S100Z: variants seen among roughly 807,000 people sequenced by gnomAD.
S100Z encodes protein S100-Z.
Under a neutral mutation model 8.5 loss-of-function variants are expected in S100Z, and 11 were observed. That is an observed-to-expected ratio of 1.30 (90% CI 0.82 to 2.15). The LOEUF is 2.15. S100Z is among the 30% of genes most tolerant of loss of function. The pLI, the probability that S100Z is intolerant of heterozygous loss-of-function variation, is 0.00. For missense variants in S100Z, 126 were observed against 117.9 expected (o/e 1.07, Z -0.32); for synonymous variants, 34 against 43.8 (o/e 0.78, Z 0.89).
At chr5:76,902,790 A>G (rs539234234) in intron 4 of S100Z, among the ~76,000 whole-genome samples, 1 of 152,312 alleles carries the variant, frequency 6.6e-6, no homozygotes, top group South Asian at 2.1e-4. Context: ...ACATTAGGAC[A>G]GACTTACTAT....
chr5:76,862,822 C>A (rs1751101825), intron 1 of S100Z, among the ~76,000 whole-genome samples: 1 of 151,818 alleles, frequency 6.6e-6, no homozygotes, highest in Non-Finnish European at 1.5e-5. Flanking sequence ...ACAACAACAA[C>A]AAAAACCCTG....
intron 4 of S100Z, among the ~76,000 whole-genome samples, chr5:76,885,668 C>A: frequency 6.9e-6 from 1 of 144,736 alleles, no homozygotes; most frequent in Non-Finnish European, 1.5e-5. Context: ...AGGTGCTTGC[C>A]CCCCAGGAAA....
intron 1 of S100Z, among the ~76,000 whole-genome samples, chr5:76,861,762 A>T (rs1267972957): frequency 6.6e-6 from 1 of 152,220 alleles, no homozygotes. Flanking sequence ...ATCAAGATTC[A>T]TCTACTTCAT....
chr5:76,878,954 T>C (rs1027806891), intron 4 of S100Z, among the ~76,000 whole-genome samples: 2 of 152,216 alleles, frequency 1.3e-5, no homozygotes, highest in African/African-American at 4.8e-5. Context: ...ATCTGATATC[T>C]GTTCTTCCTT....
chr5:76,874,227 GTTAGT>G (rs1743103653), intron 2 of S100Z, among the ~76,000 whole-genome samples: 3 of 150,680 alleles, frequency 2.0e-5, no homozygotes, highest in African/African-American at 4.9e-5. Context: ...TGTCCTTTGG[GTTAGT>G]TTAATCTACT....
At chr5:76,943,657 C>T in the S100Z span, among the ~76,000 whole-genome samples, 1 of 152,118 alleles carries the variant, frequency 6.6e-6, no homozygotes, top group East Asian at 1.9e-4. Flanking sequence ...GCACATTGCC[C>T]ACACCTTTGT....
intron 1 of S100Z, among the ~76,000 whole-genome samples, chr5:76,861,193 G>T (rs1249518894): frequency 6.6e-6 from 1 of 152,140 alleles, no homozygotes; most frequent in South Asian, 2.1e-4. Context: ...GGTTCATTGC[G>T]TGCCTGGTCA....
intron 4 of S100Z, among the ~76,000 whole-genome samples, chr5:76,894,662 C>T (rs192280303): frequency 6.8e-6 from 1 of 146,574 alleles, no homozygotes; most frequent in East Asian, 2.0e-4. Flanking sequence ...ATGACATGAT[C>T]TCGGCTTACA....
At chr5:76,859,301 G>A (rs191518475) in intron 1 of S100Z, among the ~76,000 whole-genome samples, 6 of 152,232 alleles carry the variant, frequency 3.9e-5, no homozygotes, top group Non-Finnish European at 5.9e-5. Context: ...ATTAGGATTC[G>A]GAGCTGCTTT....
At chr5:76,907,023 T>TAC (rs1561247631) in intron 4 of S100Z, among the ~76,000 whole-genome samples, 15 of 89,920 alleles carry the variant, frequency 1.7e-4, no homozygotes, top group South Asian at 7.0e-4. Flanking sequence ...TATATATATA[T>TAC]ACATATATAT....
chr5:76,880,875 A>C (rs1220988418), intron 4 of S100Z, among the ~76,000 whole-genome samples: 1 of 152,192 alleles, frequency 6.6e-6, no homozygotes, highest in East Asian at 1.9e-4. Context: ...AATATACAAG[A>C]GTACCCCTTT....
intron 1 of S100Z, among the ~76,000 whole-genome samples, chr5:76,856,908 A>G (rs1750896723): frequency 6.6e-6 from 1 of 152,246 alleles, no homozygotes; most frequent in Non-Finnish European, 1.5e-5. Context: ...GAGAAGGCTC[A>G]CATCCAAAGG....
At chr5:76,902,221 A>G (rs6866704) in intron 4 of S100Z, among the ~76,000 whole-genome samples, 24,080 of 152,078 alleles carry the variant, frequency 0.16, 5,486 homozygotes, top group African/African-American at 0.51. Context: ...GCCCCACGTG[A>G]TGTCTCAGTA....
intron 1 of S100Z, among the ~76,000 whole-genome samples, chr5:76,866,323 G>A (rs1015160393): frequency 6.6e-6 from 1 of 152,096 alleles, no homozygotes; most frequent in Non-Finnish European, 1.5e-5. Flanking sequence ...GGGCTCAAAT[G>A]ATCTGCCTGC....
At chr5:76,903,188 A>C (rs1375825377) in intron 4 of S100Z, among the ~76,000 whole-genome samples, 1 of 152,202 alleles carries the variant, frequency 6.6e-6, no homozygotes, top group Non-Finnish European at 1.5e-5. Flanking sequence ...TCCATCTCAA[A>C]AAATATATAT....
downstream of S100Z, among the ~76,000 whole-genome samples, chr5:76,923,534 C>T (rs900377653): frequency 6.6e-6 from 1 of 152,024 alleles, no homozygotes; most frequent in African/African-American, 2.4e-5. Context: ...GGAGGGCAGG[C>T]TAGAGGGGTG....
At chr5:76,865,478 C>T (rs548867826) in intron 1 of S100Z, among the ~76,000 whole-genome samples, 1 of 150,870 alleles carries the variant, frequency 6.6e-6, no homozygotes, top group Admixed American at 6.6e-5. Flanking sequence ...AACTCTTGAC[C>T]TCAGGTGATC....
chr5:76,901,302 C>A (rs557122394), intron 4 of S100Z, among the ~76,000 whole-genome samples: 1 of 152,338 alleles, frequency 6.6e-6, no homozygotes, highest in South Asian at 2.1e-4. Flanking sequence ...GGCCTGTGTC[C>A]TTCCCTTAAG....
chr5:76,940,555 G>A, the S100Z span, among the ~76,000 whole-genome samples: 1 of 152,078 alleles, frequency 6.6e-6, no homozygotes, highest in South Asian at 2.1e-4. Flanking sequence ...TGGGATTACA[G>A]GCATCTGCCA....
Sources: gnomAD v4.1 joint callset for allele counts (sites outside exome capture counted in the v4.1 genomes callset) on GRCh38, gnomAD v4.1.1 for gene constraint, MANE v1.5 for transcripts, NCBI Gene and HGNC (gene_info 2026-07-23, HGNC 2026-07-21) for gene names.